Variants in MYO9A observed in about 807,000 individuals in gnomAD.
MYO9A encodes unconventional myosin-IXa.
MYO9A carries 103 observed loss-of-function variants against 293.3 expected under a neutral mutation model. The ratio of observed to expected loss-of-function variants is 0.35; its 90% CI spans 0.30 to 0.41. The LOEUF (loss-of-function observed/expected upper bound fraction) is 0.41. MYO9A is among the 10% of genes least tolerant of loss of function. The pLI is 1.00. For missense variants in MYO9A, 2,685 were observed against 3,033.0 expected, an observed-to-expected ratio of 0.89 and a Z score of 2.69; for synonymous variants, 1,001 against 1,035.7, an observed-to-expected ratio of 0.97 and a Z score of 0.64.
intron 25 of MYO9A, among the ~76,000 whole-genome samples, chr15:71,895,614 T>C (rs1456938321): frequency 6.6e-6 from 1 of 152,162 alleles, no homozygotes; most frequent in East Asian, 1.9e-4. Flanking sequence ...GCATTTATGA[T>C]TCTACAAAAT....
At chr15:71,914,464 G>A (rs2057951832) in intron 19 of MYO9A, among the ~76,000 whole-genome samples, 1 of 152,106 alleles carries the variant, frequency 6.6e-6, no homozygotes, top group Admixed American at 6.5e-5. Context: ...CATCCATTTT[G>A]ACTACCTGCA....
chr15:71,944,286 AG>A (rs36091372), intron 15 of MYO9A, among the ~76,000 whole-genome samples: 2,040 of 152,218 alleles, frequency 0.013, 20 homozygotes, highest in East Asian at 0.024. Flanking sequence ...ACTGTTTCCC[AG>A]GCTGTGGTAT....
chr15:72,058,211 C>A (rs1470486085), intron 1 of MYO9A, among the ~76,000 whole-genome samples: 2 of 152,106 alleles, frequency 1.3e-5, no homozygotes, highest in Admixed American at 1.3e-4. Flanking sequence ...TAAAGTCAAC[C>A]ATGCAGAAAT....
chr15:72,082,781 TATA>T (rs754412289), intron 1 of MYO9A, among the ~76,000 whole-genome samples: 6 of 151,800 alleles, frequency 4.0e-5, no homozygotes, highest in Non-Finnish European at 7.4e-5. Flanking sequence ...CATCTATTGA[TATA>T]ATCATGTGGT....
chr15:71,849,982 C>G (rs2055564673), intron 38 of MYO9A, 54 bp downstream of exon 38: 3 of 1,329,622 alleles, frequency 2.3e-6, no homozygotes, highest in African/African-American at 3.0e-5. Flanking sequence ...GATACAGTGA[C>G]TACATAGTCA....
rs368209775 is a variant in MYO9A at position 72,023,695 on chromosome 15, CA to C, written c.999-2679del. Among the ~76,000 whole-genome samples the C allele has an allele frequency of 8.3e-3, 425 of 51,304 alleles. 1 individual carries two copies. The highest frequency in any genetic ancestry group is 0.025 in the Middle Eastern group (2 of 80). The allele number at this position is 51,304 out of a possible 152,430, so 33.7% of individuals were successfully genotyped here. A position where few individuals can be genotyped will look rare whatever the true frequency, so the allele number is the denominator to read the frequency against. ...GGGCGACAAGAATGAAACTCTGTCT[CA>C]AAAAAAAAAAAAAAAAAGAAAAGAA... On this transcript the variant is annotated intron_variant, in intron 4 of 41. Coordinates refer to ENST00000356056, the MANE Select transcript of MYO9A (RefSeq NM_006901.4).
At chr15:71,890,753 T>C (rs1361959189) in intron 26 of MYO9A, 1 of 152,224 alleles carries the variant, frequency 6.6e-6, no homozygotes, top group Non-Finnish European at 1.5e-5. Context: ...TCAATTCATT[T>C]GTGAATGTCT....
intron 39 of MYO9A, among the ~76,000 whole-genome samples, chr15:71,843,094 G>A (rs2055234194): frequency 1.3e-5 from 2 of 152,016 alleles, no homozygotes. Flanking sequence ...TTTTATGAGA[G>A]GAAGTTCTTA....
chr15:72,056,496 A>G (rs1287673930), intron 1 of MYO9A, among the ~76,000 whole-genome samples: 1 of 152,238 alleles, frequency 6.6e-6, no homozygotes, highest in Non-Finnish European at 1.5e-5. Flanking sequence ...GGAATGCAAA[A>G]CCAAACATCG....
At chr15:72,112,722 A>G (rs2080824664) in intron 1 of MYO9A, among the ~76,000 whole-genome samples, 1 of 152,232 alleles carries the variant, frequency 6.6e-6, no homozygotes, top group Admixed American at 6.5e-5. Context: ...CAAAATAGGT[A>G]CAGAAACCTA....
chr15:72,067,853 C>T (rs2079066460), intron 1 of MYO9A, among the ~76,000 whole-genome samples: 1 of 152,004 alleles, frequency 6.6e-6, no homozygotes, highest in African/African-American at 2.4e-5. Flanking sequence ...CAAATGTTTA[C>T]TCATTCTATT....
chr15:72,102,191 A>AC (rs2080375915), intron 1 of MYO9A, among the ~76,000 whole-genome samples: 1 of 150,362 alleles, frequency 6.7e-6, no homozygotes, highest in South Asian at 2.1e-4. Context: ...CTTACCCCCA[A>AC]CCCTGTGCTC....
rs180825922 is a variant in MYO9A, at chr15:72,038,384, G to A, written c.841-5796C>T. On this transcript the variant is annotated intron_variant, in intron 2 of 41. Coordinates refer to ENST00000356056, the MANE Select transcript of MYO9A (RefSeq NM_006901.4). The stretch of plus-strand genomic sequence containing the variant: ...TAAATGCACAAAAAATATCCACCAC[G>A]AAAGACCATGTTCTGGGCCACAAGT... 6.9e-4 allele frequency among the ~76,000 whole-genome samples: 105 copies of A among 152,266 alleles called. 1 individual carries two copies. The highest frequency in any genetic ancestry group is 2.2e-3 in the African/African-American group (91 of 41,556).
rs531755792 is a variant in MYO9A, at chr15:71,980,872, G to A, written c.1723-2580C>T. Among the ~76,000 whole-genome samples, 6 of 152,072 alleles carry A rather than the reference G, an allele frequency of 3.9e-5. No individual in the cohort carries two copies. In the South Asian group the frequency reaches 6.2e-4, roughly 16 times the overall value. ...AAACAAACAAACAAGCAAAACTCTC[G>A]GAAAACATTATTGCCTTGTTCTTAG... On this transcript the variant is annotated intron_variant, in intron 11 of 41. Transcript: ENST00000356056.
Position 71,839,814 on chromosome 15 carries a change from C to A in MYO9A, c.6837+9031G>T, listed in dbSNP as rs531819622. 1.3e-5 allele frequency among the ~76,000 whole-genome samples: 2 copies of A among 152,180 alleles called. 1 individual carries two copies. Among genetic ancestry groups the A allele is most frequent in the East Asian group, 3.9e-4 (2 of 5,178 alleles). On this transcript the variant is annotated intron_variant, in intron 39 of 41. Coordinates refer to ENST00000356056, the MANE Select transcript of MYO9A (RefSeq NM_006901.4). ...TTTGAAATGCCACTCACATTATAATCCTTTATTTTTCTCTTTTAGAATTTT... is the reference window on the plus strand; with the variant it reads ...TTTGAAATGCCACTCACATTATAATACTTTATTTTTCTCTTTTAGAATTTT...
chr15:71,928,043 TATATATATATATA>T (rs1474698655), intron 18 of MYO9A, among the ~76,000 whole-genome samples: 25 of 10,676 alleles, frequency 2.3e-3, no homozygotes, highest in Non-Finnish European at 3.5e-3. Context: ...TATATATATA[TATATATATATATA>T]TTTTTTTTTT....
chr15:72,073,007 A>T (rs2079241445), intron 1 of MYO9A, among the ~76,000 whole-genome samples: 2 of 152,276 alleles, frequency 1.3e-5, no homozygotes, highest in South Asian at 4.1e-4. Context: ...AATGGACATT[A>T]TTATTCTCTG....
At chr15:71,894,414 C>CA (rs1411476516) in intron 25 of MYO9A, among the ~76,000 whole-genome samples, 2 of 151,944 alleles carry the variant, frequency 1.3e-5, no homozygotes, top group African/African-American at 4.8e-5. Flanking sequence ...CCGTCTCTAC[C>CA]AAAAATATAA....
chr15:71,857,436 T>G lies in MYO9A; in HGVS notation c.6153+2299A>C, dbSNP rs900881176. ...AATGGATTTTCACAAAGACCCAGAT[T>G]AAGAAACAGAATATTACCAAGCAGT... On this transcript the variant is annotated intron_variant, in intron 34 of 41. Coordinates refer to ENST00000356056, the MANE Select transcript of MYO9A (RefSeq NM_006901.4). 1.2e-4 allele frequency among the ~76,000 whole-genome samples: 18 copies of G among 152,142 alleles called. 1 individual carries two copies. Among genetic ancestry groups the G allele is most frequent in the African/African-American group, 4.1e-4 (17 of 41,450 alleles).
Sources: allele counts gnomAD v4.1 joint callset (sites outside exome capture counted in the v4.1 genomes callset), GRCh38; gene constraint gnomAD v4.1.1; transcripts MANE v1.5; gene names NCBI Gene and HGNC (gene_info 2026-07-23, HGNC 2026-07-21).